Variants in NUP153 observed in about 807,000 individuals in gnomAD.
NUP153 encodes the protein nucleoporin 153.
NUP153 carries 27 observed loss-of-function variants against 134.6 expected under a neutral mutation model. That is an observed-to-expected ratio of 0.20 (90% CI 0.15 to 0.28). NUP153 has a LOEUF of 0.28. NUP153 is among the 10% of genes least tolerant of loss of function. NUP153 has a pLI of 1.00. For synonymous variants in NUP153, 640 were observed against 623.5 expected, an observed-to-expected ratio of 1.03 and a Z score of -0.40; for missense variants, 1,821 against 1,731.3, an observed-to-expected ratio of 1.05 and a Z score of -0.92.
At chr6:17,698,477 G>A (rs370859575) in intron 1 of NUP153, among the ~76,000 whole-genome samples, 6 of 152,058 alleles carry the variant, frequency 3.9e-5, no homozygotes, top group South Asian at 2.1e-4. Flanking sequence ...GGTGGCTCAC[G>A]CCTGTAACCC....
chr6:17,706,355 G>T lies in NUP153; in HGVS notation c.33C>A (p.Gly11=), dbSNP rs1581798371. The T allele has an allele frequency of 7.4e-6, 12 of 1,612,946 alleles. No individual in the cohort carries two copies. Among genetic ancestry groups the T allele is most frequent in the Non-Finnish European group, 7.6e-6 (9 of 1,179,624 alleles). Residue 11 remains glycine, a synonymous_variant, in exon 1 of 22, where the codon GGC becomes GGA. Transcript: ENST00000262077. This position sits in a 1 kb window ranked among gnomAD's most constrained non-coding sequence, Gnocchi z 5.9. ...GCCGCGTCCGGATCTTGCCGCCACC[G>T]CCCCCTCCGACTCCTCCGGCTCCCG... MASGAGGVGG[G]GGGKIRTRRC...
At chr6:17,653,862 G>C (rs2113805405) in intron 11 of NUP153, among the ~76,000 whole-genome samples, 1 of 152,150 alleles carries the variant, frequency 6.6e-6, no homozygotes, top group East Asian at 1.9e-4. Context: ...GCACACCTAA[G>C]AATTTAACAT....
intron 20 of NUP153, among the ~76,000 whole-genome samples, chr6:17,623,448 G>A (rs1764759177): frequency 6.6e-6 from 1 of 151,414 alleles, no homozygotes; most frequent in African/African-American, 2.4e-5. Flanking sequence ...AATGGTGGTA[G>A]GATATGAATT....
chr6:17,671,596 C>T (rs139599178), intron 5 of NUP153, among the ~76,000 whole-genome samples: 17 of 152,180 alleles, frequency 1.1e-4, no homozygotes, highest in African/African-American at 4.1e-4. Flanking sequence ...CTACAAAACA[C>T]TGATGAAAAA....
rs1243398646 is a variant in NUP153 at position 17,628,343 on chromosome 6, A to T, written c.3544+312T>A. ...AGCTAAGAATCCTTATTTTCCAGGT[A>T]GTAGATACCAATTCTGATTATAAAA... is the stretch of plus-strand genomic sequence containing the variant. On this transcript the variant is annotated intron_variant, in intron 18 of 21. Coordinates refer to ENST00000262077, the MANE Select transcript of NUP153 (RefSeq NM_005124.4). The surrounding 1 kb of genome is among the most constrained non-coding windows in gnomAD (Gnocchi z 5.4). 6.6e-6 allele frequency among the ~76,000 whole-genome samples: 1 copy of T among 152,218 alleles called. No homozygotes were observed. The highest frequency in any genetic ancestry group is 1.5e-5 in the Non-Finnish European group (1 of 68,040).
At chr6:17,677,894 G>A (rs527362186) in intron 2 of NUP153, among the ~76,000 whole-genome samples, 38 of 151,958 alleles carry the variant, frequency 2.5e-4, no homozygotes, top group Non-Finnish European at 5.2e-4. Flanking sequence ...TAAGAGAGTC[G>A]TTAGGTATTT....
At chr6:17,673,034 T>C (rs1444284694) in intron 5 of NUP153, among the ~76,000 whole-genome samples, 99 of 151,890 alleles carry the variant, frequency 6.5e-4, no homozygotes, top group Non-Finnish European at 7.4e-5. Context: ...CCATTAAGAA[T>C]ACACACACAC....
intron 2 of NUP153, among the ~76,000 whole-genome samples, chr6:17,685,996 A>G (rs1768898238): frequency 6.6e-6 from 1 of 152,096 alleles, no homozygotes; most frequent in South Asian, 2.1e-4. Flanking sequence ...AAATTAAAAA[A>G]AATTTGCTGG....
intron 16 of NUP153, among the ~76,000 whole-genome samples, chr6:17,635,607 G>A (rs1403087986): frequency 1.3e-5 from 2 of 152,128 alleles, no homozygotes; most frequent in Non-Finnish European, 2.9e-5. Context: ...TCACCATGCT[G>A]CTCGGGCTGG....
chr6:17,700,056 A>G (rs1429376322), intron 1 of NUP153, among the ~76,000 whole-genome samples: 1 of 152,168 alleles, frequency 6.6e-6, no homozygotes, highest in Non-Finnish European at 1.5e-5. Flanking sequence ...AATTTAATAC[A>G]TGCAAGTATT....
At chr6:17,617,076 ACT>A (rs1056429219) in intron 20 of NUP153, among the ~76,000 whole-genome samples, 1 of 152,006 alleles carries the variant, frequency 6.6e-6, no homozygotes, top group African/African-American at 2.4e-5. Context: ...TAAATTAAAG[ACT>A]CTGACCTTTA....
intron 17 of NUP153, among the ~76,000 whole-genome samples, chr6:17,632,324 A>C (rs78111257): frequency 5.4e-4 from 81 of 149,704 alleles, no homozygotes; most frequent in Non-Finnish European, 9.9e-4. Context: ...AACAAACAAA[A>C]AAACAAACAA....
intron 2 of NUP153, among the ~76,000 whole-genome samples, chr6:17,676,790 G>T (rs1161820262): frequency 6.6e-6 from 1 of 152,148 alleles, no homozygotes; most frequent in African/African-American, 2.4e-5. Flanking sequence ...AAAACAGAGC[G>T]GGAAGAAATC....
chr6:17,619,749 C>T (rs142212006), intron 20 of NUP153: 1 of 152,254 alleles, frequency 6.6e-6, no homozygotes, highest in Non-Finnish European at 1.5e-5. Context: ...TCAAAGCAAT[C>T]TATGGATTCA....
At chr6:17,672,192 C>G (rs2113830491) in intron 5 of NUP153, among the ~76,000 whole-genome samples, 1 of 149,164 alleles carries the variant, frequency 6.7e-6, no homozygotes, top group South Asian at 2.1e-4. Flanking sequence ...CAAGACAGTG[C>G]AGTTGGCAAA....
chr6:17,617,897 G>A (rs1163090464), intron 20 of NUP153, among the ~76,000 whole-genome samples: 11 of 151,998 alleles, frequency 7.2e-5, no homozygotes, highest in South Asian at 2.1e-4. Context: ...CTCTTCCACC[G>A]CACCAGAACA....
chr6:17,669,501 A>T lies in NUP153; in HGVS notation c.898T>A (p.Ser300Thr). 1.2e-6 allele frequency: 2 copies of T among 1,614,136 alleles called. No homozygotes were observed. Among genetic ancestry groups the T allele is most frequent in the South Asian group, 1.1e-5 (1 of 91,086 alleles). ...GCTGTTGAACTGGTCACACCGTAAG[A>T]TTGTGCACTGAGTTGCTTAGCTTTC... ...QMKAKQLSAQ[S>T]YGVTSSTARR... Residue 300 changes from serine (S) to threonine (T), a missense_variant, in exon 6 of 22, where the codon TCT (serine) becomes ACT (threonine). Coordinates refer to ENST00000262077, the MANE Select transcript of NUP153 (RefSeq NM_005124.4).
chr6:17,645,971 G>A (rs1766150298), intron 14 of NUP153, 96 bp downstream of exon 14: 1 of 485,958 alleles, frequency 2.1e-6, no homozygotes, highest in East Asian at 3.4e-5. Context: ...TCCAAATGAA[G>A]GCATTTATAA....
chr6:17,662,996 T>C (rs935850334), intron 9 of NUP153, among the ~76,000 whole-genome samples: 2 of 152,014 alleles, frequency 1.3e-5, no homozygotes, highest in Non-Finnish European at 2.9e-5. Context: ...ATGCAAGACA[T>C]GATGTTAGAA....
Sources: gnomAD v4.1 joint callset for allele counts (sites outside exome capture counted in the v4.1 genomes callset) on GRCh38, gnomAD v4.1.1 for gene constraint, Gnocchi (gnomAD v3.1) non-coding constraint, MANE v1.5 for transcripts, NCBI Gene and HGNC (gene_info 2026-07-23, HGNC 2026-07-21) for gene names.